Variants in SLC30A9 observed in about 807,000 individuals in gnomAD.
The protein encoded by SLC30A9 is proton-coupled zinc antiporter SLC30A9, mitochondrial.
A neutral mutation model predicts 87.5 loss-of-function variants in SLC30A9; 58 were observed. The observed-to-expected ratio is 0.66, with a 90% CI of 0.54 to 0.82. The LOEUF is 0.82. Among genes scored for constraint, SLC30A9 ranks in the 40% least tolerant of loss-of-function variants. The pLI, the probability that SLC30A9 is intolerant of heterozygous loss-of-function variation, is 0.00. For missense variants in SLC30A9, 557 were observed against 679.1 expected, an observed-to-expected ratio of 0.82 and a Z score of 2.00; for synonymous variants, 234 against 233.0, an observed-to-expected ratio of 1.00 and a Z score of -0.04.
intron 4 of SLC30A9, among the ~76,000 whole-genome samples, chr4:42,021,320 A>G (rs1031448694): frequency 6.6e-6 from 1 of 152,248 alleles, no homozygotes; most frequent in South Asian, 2.1e-4. Flanking sequence ...TAAGTGAGTC[A>G]GTGACAGGGA....
chr4:41,991,290 T>C (rs1714427670), intron 1 of SLC30A9, among the ~76,000 whole-genome samples: 1 of 152,272 alleles, frequency 6.6e-6, no homozygotes, highest in African/African-American at 2.4e-5. Context: ...AATCATTGAA[T>C]GAACCCAGTT....
intron 6 of SLC30A9, among the ~76,000 whole-genome samples, chr4:42,023,990 A>T (rs1260358657): frequency 6.6e-6 from 1 of 152,174 alleles, no homozygotes; most frequent in Non-Finnish European, 1.5e-5. Context: ...ACCTCCCACC[A>T]TGGCCTGTCC....
At chr4:42,057,452 C>T (rs1009423445) in intron 9 of SLC30A9, among the ~76,000 whole-genome samples, 20 of 152,368 alleles carry the variant, frequency 1.3e-4, no homozygotes, top group African/African-American at 2.6e-4. Flanking sequence ...GGGGCTTCCA[C>T]CTACTGAAGC....
At chr4:42,065,413 A>T (rs1718042687) in intron 12 of SLC30A9, 64 bp downstream of exon 12, 5 of 899,944 alleles carry the variant, frequency 5.6e-6, no homozygotes, top group Non-Finnish European at 9.1e-6. Context: ...GCTGTCCATT[A>T]TTATAGTTTG....
At chr4:42,048,664 C>T (rs377678328) in intron 8 of SLC30A9, among the ~76,000 whole-genome samples, 25 of 152,218 alleles carry the variant, frequency 1.6e-4, no homozygotes, top group African/African-American at 5.3e-4. Context: ...GCATCTGCCT[C>T]CTTAAGTAAA....
intron 6 of SLC30A9, chr4:42,029,423 T>A: frequency 1.7e-6 from 1 of 572,204 alleles, no homozygotes; most frequent in Non-Finnish European, 3.4e-6. Flanking sequence ...CAGAACCACA[T>A]ATCAGGACCC....
chr4:42,010,957 A>C (rs1715415030), intron 2 of SLC30A9, among the ~76,000 whole-genome samples: 1 of 152,104 alleles, frequency 6.6e-6, no homozygotes, highest in Admixed American at 6.5e-5. Flanking sequence ...AGTCAGACTC[A>C]CTATTTGAAC....
Position 42,070,653 on chromosome 4 carries a change from A to G in SLC30A9, c.1380A>G (p.Gln460=). The G allele has an allele frequency of 1.2e-6, 2 of 1,614,018 alleles. No homozygotes were observed. The highest frequency in any genetic ancestry group is 1.7e-6 in the Non-Finnish European group (2 of 1,179,906). The change falls in exon 15 of 18, where the codon CAA becomes CAG. Residue 460 remains glutamine (Q), a synonymous_variant. Transcript: ENST00000264451. ...LGRSIQPEQV[Q]RLTELLENDP... is the part of the protein sequence containing the mutation. ...GGTCCATCCAGCCAGAACAAGTACA[A>G]CGGCTCACTGAACTCCTGGAGAATG...
At chr4:42,026,520 G>A (rs570257139) in intron 6 of SLC30A9, among the ~76,000 whole-genome samples, 14 of 152,144 alleles carry the variant, frequency 9.2e-5, no homozygotes, top group East Asian at 1.9e-4. Flanking sequence ...ATTAAGCATC[G>A]TGAGGTTTCT....
rs550456619 is a variant in SLC30A9 at position 42,048,960 on chromosome 4, GTTA to G, written c.738-414_738-412del. 7.9e-5 allele frequency among the ~76,000 whole-genome samples: 12 copies of G among 151,548 alleles called. 1 individual carries two copies. The highest frequency in any genetic ancestry group is 2.7e-4 in the African/African-American group (11 of 41,398). On this transcript the variant is annotated intron_variant, in intron 8 of 17. Transcript: ENST00000264451. ...TCTTTTAATTGTACTTGTTTTTTTT[GTTA>G]TTGTTGTTGTTGTTTTAGCGATGGG...
chr4:42,041,940 C>T (rs140967409), intron 8 of SLC30A9, among the ~76,000 whole-genome samples: 8 of 152,220 alleles, frequency 5.3e-5, no homozygotes, highest in African/African-American at 1.2e-4. Flanking sequence ...ATTGCCTCAC[C>T]GGGGTAGTGC....
chr4:42,048,087 G>A (rs1717242346), intron 8 of SLC30A9, among the ~76,000 whole-genome samples: 1 of 152,036 alleles, frequency 6.6e-6, no homozygotes, highest in African/African-American at 2.4e-5. Context: ...GGGGGTGGGT[G>A]GCTAGGGGAG....
chr4:42,075,873 T>TA, intron 16 of SLC30A9, 87 bp downstream of exon 16: 1 of 1,298,384 alleles, frequency 7.7e-7, no homozygotes, highest in Non-Finnish European at 1.1e-6. Context: ...TTTATAGATC[T>TA]TAAAGGCACT....
At position 42,035,215 on chromosome 4, in the gene SLC30A9, C is replaced by T. The variant is rs1716628074; in HGVS notation, c.611-60C>T. 1.1e-5 allele frequency: 16 copies of T among 1,488,638 alleles called. No individual in the cohort carries two copies. The South Asian group carries it at 1.6e-4, about 15-fold the overall frequency. 92.2% of individuals were successfully genotyped at this position (1,488,638 alleles called of 1,614,324 possible). A position where few individuals can be genotyped will look rare whatever the true frequency, so the allele number is the denominator to read the frequency against. ...ATAGTCCTGAAGAGAATATCATGTT[C>T]ATCTAAACTGTGACTGGTAAGAATA... On this transcript the variant is annotated intron_variant, in intron 6 of 17. Coordinates refer to ENST00000264451, the MANE Select transcript of SLC30A9 (RefSeq NM_006345.4).
intron 17 of SLC30A9, among the ~76,000 whole-genome samples, chr4:42,080,068 ATTGT>A (rs1254655628): frequency 6.6e-6 from 1 of 152,170 alleles, no homozygotes; most frequent in Admixed American, 6.5e-5. Flanking sequence ...TAGTGATTTG[ATTGT>A]TTGGCCGAAG....
At chr4:42,051,352 C>T (rs1717376663) in intron 9 of SLC30A9, among the ~76,000 whole-genome samples, 1 of 152,182 alleles carries the variant, frequency 6.6e-6, no homozygotes, top group African/African-American at 2.4e-5. Flanking sequence ...CTCAGTATAA[C>T]ATTCACAGTG....
In SLC30A9 at chr4:42,090,282, A is replaced by T. The variant is rs1668402515; in HGVS notation, c.*4156A>T. ...AGCCATTTATATAGATTAGTCTGAC[A>T]GCCTTTATATTTGCATGTAAGTTTA... On this transcript the variant is annotated 3_prime_UTR_variant, in exon 18 of 18. Coordinates refer to ENST00000264451, the MANE Select transcript of SLC30A9 (RefSeq NM_006345.4). 6.6e-6 allele frequency: 1 copy of T among 152,202 alleles called. No individual in the cohort carries two copies. Among genetic ancestry groups the T allele is most frequent in the Non-Finnish European group, 1.5e-5 (1 of 68,028 alleles). The allele number at this position is 152,202 out of a possible 1,614,324, so 9.4% of individuals were successfully genotyped here.
At chr4:42,038,922 A>G (rs1033326041) in intron 7 of SLC30A9, 64 bp from the exon 8 acceptor site, 3 of 1,050,530 alleles carry the variant, frequency 2.9e-6, no homozygotes, top group Non-Finnish European at 4.5e-6. Flanking sequence ...TGTCAAAGCC[A>G]CCAGTTACAG....
intron 9 of SLC30A9, among the ~76,000 whole-genome samples, chr4:42,053,322 T>TA (rs1717459434): frequency 6.6e-6 from 1 of 152,172 alleles, no homozygotes; most frequent in African/African-American, 2.4e-5. Context: ...AACATATACT[T>TA]ATCCTGTGAC....
Sources: allele counts gnomAD v4.1 joint callset (sites outside exome capture counted in the v4.1 genomes callset), GRCh38; gene constraint gnomAD v4.1.1; transcripts MANE v1.5; gene names NCBI Gene and HGNC (gene_info 2026-07-23, HGNC 2026-07-21).